TSNARE1: variants seen among roughly 807,000 people sequenced by gnomAD.
TSNARE1 encodes the protein t-SNARE domain-containing protein 1.
TSNARE1 carries 49 observed loss-of-function variants against 62.0 expected under a neutral mutation model. The observed-to-expected ratio is 0.79, with a 90% CI of 0.63 to 1.00. The LOEUF (loss-of-function observed/expected upper bound fraction) is 1.00, where lower values mean the gene tolerates loss of function less well. Among genes scored for constraint, TSNARE1 ranks in the 50% least tolerant of loss-of-function variants. The probability of loss-of-function intolerance (pLI) is 0.00; values close to 1 mark genes in which losing one functional copy is unlikely to be tolerated. For synonymous variants in TSNARE1, 328 were observed against 294.4 expected, an observed-to-expected ratio of 1.11 and a Z score of -1.17; for missense variants, 755 against 700.1, an observed-to-expected ratio of 1.08 and a Z score of -0.88.
At chr8:142,373,757 C>T (rs925743118) in intron 1 of TSNARE1, among the ~76,000 whole-genome samples, 15 of 152,012 alleles carry the variant, frequency 9.9e-5, no homozygotes, top group African/African-American at 3.4e-4. Context: ...CCTAGACCTC[C>T]GGGATCCAAG....
intron 4 of TSNARE1, among the ~76,000 whole-genome samples, chr8:142,334,735 A>AT (rs1247979783): frequency 2.6e-5 from 4 of 152,242 alleles, no homozygotes; most frequent in Non-Finnish European, 4.4e-5. Context: ...AAGAAAAAAC[A>AT]TAAGAAGGAC....
At chr8:142,317,178 G>C (rs568542737) in intron 7 of TSNARE1, among the ~76,000 whole-genome samples, 2 of 136,370 alleles carry the variant, frequency 1.5e-5, no homozygotes, top group African/African-American at 5.6e-5. Flanking sequence ...CACACTGTAC[G>C]CATGAAGCGG....
intron 1 of TSNARE1, among the ~76,000 whole-genome samples, chr8:142,376,210 G>A (rs80084332): frequency 0.034 from 5,100 of 152,220 alleles, 291 homozygotes; most frequent in African/African-American, 0.12. Context: ...GTGAGAAAGG[G>A]ACAAGGGTGT....
At chr8:142,338,376 G>T (rs957635419) in intron 4 of TSNARE1, among the ~76,000 whole-genome samples, 13 of 152,210 alleles carry the variant, frequency 8.5e-5, no homozygotes, top group African/African-American at 3.1e-4. Context: ...CAGCACGAGG[G>T]GGTCCCCAGG....
chr8:142,290,343 GA>G (rs1213884130), intron 10 of TSNARE1, among the ~76,000 whole-genome samples: 3 of 152,230 alleles, frequency 2.0e-5, no homozygotes, highest in African/African-American at 4.8e-5. Flanking sequence ...GGAGAGCGGG[GA>G]AGACCCAGAA....
intron 6 of TSNARE1, among the ~76,000 whole-genome samples, chr8:142,322,016 G>A (rs576668935): frequency 1.1e-4 from 17 of 152,228 alleles, no homozygotes; most frequent in Non-Finnish European, 2.1e-4. Flanking sequence ...TTAGAAAAAC[G>A]AATTCAACAA....
intron 10 of TSNARE1, among the ~76,000 whole-genome samples, chr8:142,297,013 C>G (rs1403334317): frequency 2.0e-5 from 3 of 152,194 alleles, no homozygotes; most frequent in Non-Finnish European, 4.4e-5. Flanking sequence ...TACGGCCACA[C>G]GGGCTGTCCC....
chr8:142,273,488 C>T (rs1025300646), intron 12 of TSNARE1: 66 of 985,294 alleles, frequency 6.7e-5, no homozygotes, highest in Middle Eastern at 1.0e-3. Context: ...CCAGAGCTGG[C>T]GCCAGGAGAC....
At chr8:142,358,991 G>A (rs1229931787) in intron 1 of TSNARE1, among the ~76,000 whole-genome samples, 1 of 151,958 alleles carries the variant, frequency 6.6e-6, no homozygotes, top group East Asian at 1.9e-4. Context: ...GCCCTGTCCT[G>A]CCCCAGCCTC....
chr8:142,222,002 GATTCACTCACTCAC>G (rs1563754364), intron 13 of TSNARE1, among the ~76,000 whole-genome samples: 1 of 22,136 alleles, frequency 4.5e-5, no homozygotes, highest in African/African-American at 1.6e-4. Flanking sequence ...CTCACTCACT[GATTCACTCACTCAC>G]TCACTCATCC....
intron 2 of TSNARE1, among the ~76,000 whole-genome samples, chr8:142,349,713 C>T (rs1833842865): frequency 6.6e-6 from 1 of 152,176 alleles, no homozygotes; most frequent in Non-Finnish European, 1.5e-5. Context: ...CAGCAGCAGC[C>T]ACCACTGGCC....
intron 12 of TSNARE1, among the ~76,000 whole-genome samples, chr8:142,254,756 A>C (rs1361228378): frequency 6.6e-6 from 1 of 152,198 alleles, no homozygotes; most frequent in African/African-American, 2.4e-5. Flanking sequence ...CCCCAGTTTC[A>C]GTCTCACATC....
At chr8:142,285,097 A>G (rs982886830) in intron 10 of TSNARE1, among the ~76,000 whole-genome samples, 1 of 152,138 alleles carries the variant, frequency 6.6e-6, no homozygotes, top group Non-Finnish European at 1.5e-5. Context: ...AGGATGATGG[A>G]CAGATGCGTG....
intron 7 of TSNARE1, among the ~76,000 whole-genome samples, chr8:142,317,236 G>A (rs888763221): frequency 6.7e-6 from 1 of 148,824 alleles, no homozygotes; most frequent in African/African-American, 2.5e-5. Context: ...TACGACCAGC[G>A]GCTCACACTG....
At chr8:142,292,614 T>TC (rs1823989073) in intron 10 of TSNARE1, among the ~76,000 whole-genome samples, 1 of 152,066 alleles carries the variant, frequency 6.6e-6, no homozygotes, top group Non-Finnish European at 1.5e-5. Flanking sequence ...AGGGCTTATT[T>TC]CCCCTTGGAA....
Position 142,242,962 on chromosome 8 carries a change from A to AT in TSNARE1, c.1447-13384_1447-13383insA, listed in dbSNP as rs1284774954. ...AACTCTGTCTCAAAAAAAAAAAAAA[A>AT]AAAAAAAAGCTAACAGATATATGAC... On this transcript the variant is annotated intron_variant, in intron 12 of 13. Transcript: ENST00000524325. 6.6e-3 allele frequency among the ~76,000 whole-genome samples: 1,004 copies of AT among 151,672 alleles called. 12 individuals are homozygous for AT. The highest frequency in any genetic ancestry group is 0.023 in the African/African-American group (951 of 41,236).
chr8:142,236,257 A>C (rs577624946), intron 12 of TSNARE1, among the ~76,000 whole-genome samples: 1 of 151,550 alleles, frequency 6.6e-6, no homozygotes, highest in Admixed American at 6.6e-5. Context: ...CCTCAGACCC[A>C]CCCCCGAGAT....
At chr8:142,340,958 T>C (rs569100306) in intron 4 of TSNARE1, among the ~76,000 whole-genome samples, 6 of 152,376 alleles carry the variant, frequency 3.9e-5, no homozygotes, top group Non-Finnish European at 7.3e-5. Context: ...GTTGGCTTTT[T>C]AAGTTCTTAA....
At chr8:142,317,359 C>T (rs1277785140) in intron 7 of TSNARE1, among the ~76,000 whole-genome samples, 7 of 127,172 alleles carry the variant, frequency 5.5e-5, no homozygotes, top group African/African-American at 9.4e-5. Flanking sequence ...ACACTGTACG[C>T]GTGAAGCGGG....
Sources: allele counts gnomAD v4.1 joint callset (sites outside exome capture counted in the v4.1 genomes callset), GRCh38; gene constraint gnomAD v4.1.1; transcripts MANE v1.5; gene names NCBI Gene and HGNC (gene_info 2026-07-23, HGNC 2026-07-21).